MIR2052HG: variants seen among roughly 807,000 people sequenced by gnomAD.
MIR2052HG encodes MIR2052 host gene.
chr8:74,655,952 G>C (rs536130131), intron 2 of MIR2052HG, among the ~76,000 whole-genome samples: 57 of 152,272 alleles, frequency 3.7e-4, no homozygotes, highest in Non-Finnish European at 1.6e-4. Flanking sequence ...CCTTCCTCTT[G>C]CATCAGCATG....
intron 5 of MIR2052HG, chr8:74,756,625 A>G (rs1170965606): frequency 6.6e-6 from 1 of 152,228 alleles, no homozygotes; most frequent in East Asian, 1.9e-4. Context: ...GCAAGAACAC[A>G]GCAGAACAAA....
At chr8:74,610,777 A>G (rs1353544958) in intron 1 of MIR2052HG, among the ~76,000 whole-genome samples, 2 of 152,094 alleles carry the variant, frequency 1.3e-5, no homozygotes, top group African/African-American at 2.4e-5. Flanking sequence ...TTGAATATCA[A>G]TAATTCAATT....
At chr8:74,753,363 C>T (rs1049244151) in intron 5 of MIR2052HG, among the ~76,000 whole-genome samples, 8 of 152,170 alleles carry the variant, frequency 5.3e-5, no homozygotes, top group Admixed American at 3.9e-4. Flanking sequence ...GCATAGGATG[C>T]GTAACAGTGA....
chr8:74,694,635 A>C (rs1304715784), intron 2 of MIR2052HG, among the ~76,000 whole-genome samples: 1 of 152,244 alleles, frequency 6.6e-6, no homozygotes, highest in African/African-American at 2.4e-5. Flanking sequence ...AATAGATAGC[A>C]TAAATAAAAA....
intron 5 of MIR2052HG, among the ~76,000 whole-genome samples, chr8:74,754,384 C>T (rs1387086370): frequency 6.6e-6 from 1 of 152,118 alleles, no homozygotes; most frequent in African/African-American, 2.4e-5. Context: ...CACAGAAGAT[C>T]CAGAGTGTTA....
intron 2 of MIR2052HG, among the ~76,000 whole-genome samples, chr8:74,687,725 C>T (rs1240188313): frequency 2.6e-5 from 4 of 151,888 alleles, no homozygotes; most frequent in Non-Finnish European, 5.9e-5. Context: ...GCTTTACTTG[C>T]GCTAGATAAA....
At chr8:74,651,453 T>C (rs1376164815) in intron 2 of MIR2052HG, among the ~76,000 whole-genome samples, 3 of 152,188 alleles carry the variant, frequency 2.0e-5, no homozygotes, top group Non-Finnish European at 4.4e-5. Context: ...GTGTTTTTGT[T>C]TGTAATAAAA....
chr8:74,746,868 GA>G (rs1374838845), intron 4 of MIR2052HG, among the ~76,000 whole-genome samples: 1 of 152,008 alleles, frequency 6.6e-6, no homozygotes, highest in Non-Finnish European at 1.5e-5. Flanking sequence ...GATATTAGTT[GA>G]AAGCTAAACT....
chr8:74,619,475 A>T (rs188824586), intron 2 of MIR2052HG, among the ~76,000 whole-genome samples: 1 of 152,338 alleles, frequency 6.6e-6, no homozygotes, highest in East Asian at 1.9e-4. Flanking sequence ...TATCTGAGTA[A>T]TTTATAAAGG....
intron 4 of MIR2052HG, among the ~76,000 whole-genome samples, chr8:74,734,862 C>T (rs1426228306): frequency 6.6e-6 from 1 of 152,228 alleles, no homozygotes; most frequent in Non-Finnish European, 1.5e-5. Context: ...AGCTGAAAAT[C>T]ACATCGATTT....
chr8:74,626,069 A>G (rs1808431539), intron 2 of MIR2052HG, among the ~76,000 whole-genome samples: 1 of 152,182 alleles, frequency 6.6e-6, no homozygotes, highest in African/African-American at 2.4e-5. Flanking sequence ...CTGAAACAGG[A>G]CCGTCTCCAG....
At chr8:74,737,333 T>C (rs1006039800) in intron 4 of MIR2052HG, among the ~76,000 whole-genome samples, 28 of 152,194 alleles carry the variant, frequency 1.8e-4, no homozygotes, top group Admixed American at 1.8e-3. Context: ...GGGAGGTATT[T>C]TGGCCCAGGA....
chr8:74,699,683 A>G (rs1032821534), intron 2 of MIR2052HG, among the ~76,000 whole-genome samples: 1 of 152,034 alleles, frequency 6.6e-6, no homozygotes, highest in Non-Finnish European at 1.5e-5. Context: ...TATTGGGTAC[A>G]GTGCACACTG....
chr8:74,651,359 A>G (rs1291636013), intron 2 of MIR2052HG, among the ~76,000 whole-genome samples: 1 of 152,122 alleles, frequency 6.6e-6, no homozygotes, highest in Non-Finnish European at 1.5e-5. Context: ...AATGTGTTTG[A>G]CAGGTAATGG....
chr8:74,709,029 A>G (rs945869327), intron 4 of MIR2052HG, among the ~76,000 whole-genome samples: 7 of 152,156 alleles, frequency 4.6e-5, no homozygotes, highest in African/African-American at 1.4e-4. Flanking sequence ...TTATTTGTAG[A>G]CCTAAAATTC....
intron 2 of MIR2052HG, among the ~76,000 whole-genome samples, chr8:74,626,412 C>T (rs1194218007): frequency 1.3e-5 from 2 of 152,066 alleles, no homozygotes; most frequent in African/African-American, 4.8e-5. Context: ...GGGATTGGGC[C>T]ATTTCTTTCT....
At chr8:74,619,308 C>T (rs1340289724) in intron 2 of MIR2052HG, among the ~76,000 whole-genome samples, 10 of 151,954 alleles carry the variant, frequency 6.6e-5, no homozygotes, top group Non-Finnish European at 1.5e-5. Flanking sequence ...CCTCAATAGC[C>T]AAAGCAATCT....
chr8:74,690,357 A>T lies in MIR2052HG; in HGVS notation n.217-12022A>T, dbSNP rs529061910. ...AGTATTCAGGAGAGGAGGATTCCAGATTGAGGAAACAGTGTGAGCTAATGT... is the reference window on the plus strand; with the variant it reads ...AGTATTCAGGAGAGGAGGATTCCAGTTTGAGGAAACAGTGTGAGCTAATGT... On this transcript the variant is annotated intron_variant and non_coding_transcript_variant, in intron 2 of 6. Transcript: ENST00000523442. 2.0e-5 allele frequency among the ~76,000 whole-genome samples: 3 copies of T among 152,306 alleles called. No homozygotes were observed. In the South Asian group the frequency reaches 6.2e-4, roughly 32 times the overall value.
chr8:74,679,421 AT>A (rs1809094162), intron 2 of MIR2052HG, among the ~76,000 whole-genome samples: 1 of 151,922 alleles, frequency 6.6e-6, no homozygotes, highest in Non-Finnish European at 1.5e-5. Context: ...GAGTGCCATT[AT>A]TTCATTCCTT....
Sources: gnomAD v4.1 joint callset for allele counts (sites outside exome capture counted in the v4.1 genomes callset) on GRCh38, gnomAD v4.1.1 for gene constraint, MANE v1.5 for transcripts, NCBI Gene and HGNC (gene_info 2026-07-23, HGNC 2026-07-21) for gene names.